ATP13A4: variants seen among roughly 807,000 people sequenced by gnomAD.
The protein encoded by ATP13A4 is ATPase 13A4.
Under a neutral mutation model 142.5 loss-of-function variants are expected in ATP13A4, and 114 were observed. The ratio of observed to expected loss-of-function variants is 0.80; its 90% CI spans 0.69 to 0.93. ATP13A4 has a LOEUF of 0.93. Among genes scored for constraint, ATP13A4 ranks in the 40% least tolerant of loss-of-function variants. ATP13A4 has a pLI of 0.00. For missense variants in ATP13A4, 1,392 were observed against 1,454.0 expected, an observed-to-expected ratio of 0.96 and a Z score of 0.69; for synonymous variants, 488 against 514.8, an observed-to-expected ratio of 0.95 and a Z score of 0.70.
chr3:193,463,220 A>C (rs1187677091), intron 12 of ATP13A4, among the ~76,000 whole-genome samples: 1 of 152,056 alleles, frequency 6.6e-6, no homozygotes, highest in Non-Finnish European at 1.5e-5. Flanking sequence ...ACAACAACAA[A>C]AAAAGTATCT....
Position 193,411,074 on chromosome 3 carries a change from A to C in ATP13A4, c.3209-4T>G. On this transcript the variant is annotated splice_region_variant and splice_polypyrimidine_tract_variant and intron_variant, in intron 27 of 29. Coordinates refer to ENST00000342695, the MANE Select transcript of ATP13A4 (RefSeq NM_032279.4). ...ATCAGCACAAGGACAAATATATCTG[A>C]GGAAATAAGAACACAAGGTATTATT... 6.3e-7 allele frequency: 1 copy of C among 1,587,408 alleles called. No homozygotes were observed. Among genetic ancestry groups the C allele is most frequent in the Non-Finnish European group, 8.7e-7 (1 of 1,155,858 alleles).
chr3:193,519,573 C>T (rs1721601312), intron 1 of ATP13A4, among the ~76,000 whole-genome samples: 1 of 148,776 alleles, frequency 6.7e-6, no homozygotes, highest in Non-Finnish European at 1.5e-5. Flanking sequence ...AGCCCTTAAT[C>T]TCATGTGCCC....
In ATP13A4 at chr3:193,560,813, A is replaced by G. The variant is rs1008478553; in HGVS notation, n.291+20894T>C. On this transcript the variant is annotated intron_variant and non_coding_transcript_variant, in intron 2 of 3. Coordinates refer to the ATP13A4 transcript ENST00000489140. Reference sequence around the variant, plus strand: ...CTACCAGGCAATTGAAGCTCACAGCAATTTCTGCTTACAGCTCAGGGGAGC... The same window carrying G: ...CTACCAGGCAATTGAAGCTCACAGCGATTTCTGCTTACAGCTCAGGGGAGC... 2.6e-5 allele frequency among the ~76,000 whole-genome samples: 4 copies of G among 152,236 alleles called. No homozygotes were observed. The East Asian group carries it at 7.7e-4, about 29-fold the overall frequency.
At chr3:193,529,196 G>C (rs1039600962) in intron 1 of ATP13A4, among the ~76,000 whole-genome samples, 1 of 151,958 alleles carries the variant, frequency 6.6e-6, no homozygotes, top group African/African-American at 2.4e-5. Context: ...CTTGAACCCA[G>C]GATGCGGAGG....
intron 1 of ATP13A4, among the ~76,000 whole-genome samples, chr3:193,536,817 C>T (rs1461381479): frequency 2.0e-5 from 3 of 152,074 alleles, no homozygotes; most frequent in African/African-American, 4.8e-5. Flanking sequence ...ATTTCTATAT[C>T]CTGGTAGTAA....
chr3:193,398,979 C>A lies in ATP13A4; in HGVS notation c.*3673G>T, dbSNP rs1714179848. Among the ~76,000 whole-genome samples, 1 of 152,182 alleles carries A rather than the reference C, an allele frequency of 6.6e-6. No individual in the cohort carries two copies. Among genetic ancestry groups the A allele is most frequent in the Non-Finnish European group, 1.5e-5 (1 of 68,032 alleles). On this transcript the variant is annotated 3_prime_UTR_variant, in exon 30 of 30. Transcript: ENST00000342695. ...CAGAGAGAGAGACTGATTTTTATAACAACTGAATTTATTATAGCATAAACT... is the reference window on the plus strand; with the variant it reads ...CAGAGAGAGAGACTGATTTTTATAAAAACTGAATTTATTATAGCATAAACT...
intron 25 of ATP13A4, among the ~76,000 whole-genome samples, chr3:193,419,570 C>T (rs1715304147): frequency 7.1e-6 from 1 of 140,310 alleles, no homozygotes; most frequent in Admixed American, 7.6e-5. Flanking sequence ...ACCCCCTATA[C>T]TTACCCCCAA....
intron 26 of ATP13A4, among the ~76,000 whole-genome samples, chr3:193,414,062 T>A (rs1233756421): frequency 2.0e-5 from 3 of 152,174 alleles, no homozygotes; most frequent in South Asian, 2.1e-4. Context: ...ATTCCTCTCT[T>A]TGTACTCTTT....
chr3:193,461,319 G>A (rs1192549080), intron 13 of ATP13A4, among the ~76,000 whole-genome samples: 1 of 152,214 alleles, frequency 6.6e-6, no homozygotes, highest in African/African-American at 2.4e-5. Context: ...GCCTAGTACA[G>A]AGCTACAGCA....
chr3:193,529,229 CA>C (rs1192199482), intron 1 of ATP13A4, among the ~76,000 whole-genome samples: 3 of 149,930 alleles, frequency 2.0e-5, no homozygotes, highest in African/African-American at 7.4e-5. Context: ...GAGATCGCGC[CA>C]CTACAATCCA....
rs1392693047 is a variant in ATP13A4, at chr3:193,407,507, T to C, written c.3298-114A>G. 3 of 735,076 alleles carry C rather than the reference T, an allele frequency of 4.1e-6. No homozygotes were observed. In the South Asian group the frequency reaches 4.4e-5, roughly 11 times the overall value. 45.5% of individuals were successfully genotyped at this position (735,076 alleles called of 1,614,324 possible). A position where few individuals can be genotyped will look rare whatever the true frequency, so the allele number is the denominator to read the frequency against. On this transcript the variant is annotated intron_variant, in intron 28 of 29. Coordinates refer to ENST00000342695, the MANE Select transcript of ATP13A4 (RefSeq NM_032279.4). ...TTATAAATCTCATATGTAATATATA[T>C]GTGTGTATATTACATATATCTTATA...
At chr3:193,453,579 C>T (rs1206828045) in intron 17 of ATP13A4, among the ~76,000 whole-genome samples, 1 of 152,102 alleles carries the variant, frequency 6.6e-6, no homozygotes, top group African/African-American at 2.4e-5. Flanking sequence ...AAATCTTTCT[C>T]TAGTATGGCA....
intron 25 of ATP13A4, among the ~76,000 whole-genome samples, chr3:193,423,963 A>C (rs7609569): frequency 0.49 from 73,170 of 148,848 alleles, 20,647 homozygotes; most frequent in Non-Finnish European, 0.59. Flanking sequence ...AGAACTAATA[A>C]ATAAATTCAG....
At chr3:193,436,561 C>T (rs1716280567) in intron 23 of ATP13A4, among the ~76,000 whole-genome samples, 1 of 151,958 alleles carries the variant, frequency 6.6e-6, no homozygotes, top group Non-Finnish European at 1.5e-5. Context: ...GATTCGCCCG[C>T]CTCAGCCTCC....
chr3:193,410,116 C>G (rs1353589765), intron 28 of ATP13A4, among the ~76,000 whole-genome samples: 2 of 152,060 alleles, frequency 1.3e-5, no homozygotes, highest in Non-Finnish European at 2.9e-5. Flanking sequence ...TTTTCCCTGG[C>G]TTGGATATGT....
At chr3:193,564,368 C>T (rs1168074949) in intron 2 of ATP13A4, among the ~76,000 whole-genome samples, 1 of 152,234 alleles carries the variant, frequency 6.6e-6, no homozygotes, top group Non-Finnish European at 1.5e-5. Flanking sequence ...CTATGAAATG[C>T]ATTTGCAGGA....
chr3:193,443,482 T>G lies in ATP13A4; in HGVS notation c.2153-926A>C, dbSNP rs150779192. Among the ~76,000 whole-genome samples, 1,251 of 151,714 alleles carry G rather than the reference T, an allele frequency of 8.2e-3. 11 individuals are homozygous for G. Among genetic ancestry groups the G allele is most frequent in the Non-Finnish European group, 0.012 (786 of 68,026 alleles). On this transcript the variant is annotated intron_variant, in intron 18 of 29. Transcript: ENST00000342695. ...CCACCTACAACAGGAAAGATAGAAC[T>G]TATGGTTGATTGCTAGCCCAAAACA...
intron 28 of ATP13A4, among the ~76,000 whole-genome samples, chr3:193,407,639 C>CT (rs1166589111): frequency 6.6e-6 from 1 of 152,046 alleles, no homozygotes; most frequent in African/African-American, 2.4e-5. Context: ...CTTCTTTTAT[C>CT]TTTTTTTCTT....
At chr3:193,493,450 A>T (rs1345799689) in intron 3 of ATP13A4, among the ~76,000 whole-genome samples, 2 of 152,126 alleles carry the variant, frequency 1.3e-5, no homozygotes. Context: ...GGAGGAAAAA[A>T]TTCCAAAAAC....
Sources: allele counts gnomAD v4.1 joint callset (sites outside exome capture counted in the v4.1 genomes callset), GRCh38; gene constraint gnomAD v4.1.1; transcripts MANE v1.5; gene names NCBI Gene and HGNC (gene_info 2026-07-23, HGNC 2026-07-21).